CACNA1D: variants seen among roughly 807,000 people sequenced by gnomAD.
CACNA1D encodes the protein voltage-dependent L-type calcium channel subunit alpha-1D.
A neutral mutation model predicts 257.1 loss-of-function variants in CACNA1D; 55 were observed. That is an observed-to-expected ratio of 0.21 (90% CI 0.17 to 0.27). The LOEUF is 0.27. Ranked by LOEUF, CACNA1D falls within the 10% of genes least tolerant of loss-of-function variation. CACNA1D has a pLI of 1.00. For missense variants in CACNA1D, 1,876 were observed against 2,784.0 expected (o/e 0.67, Z 7.34); for synonymous variants, 980 against 1,014.9 (o/e 0.97, Z 0.65).
At chr3:53,591,089 C>T (rs1289602257) in intron 3 of CACNA1D, among the ~76,000 whole-genome samples, 5 of 152,160 alleles carry the variant, frequency 3.3e-5, no homozygotes, top group African/African-American at 1.2e-4. Context: ...TGCCTCTAAG[C>T]GACACTACAC....
At chr3:53,702,951 C>A in intron 9 of CACNA1D, 141 bp downstream of exon 9, 1 of 869,372 alleles carries the variant, frequency 1.2e-6, no homozygotes, top group Non-Finnish European at 1.9e-6. Context: ...TGCCTGCACA[C>A]ATCACGGAGA....
intron 3 of CACNA1D, among the ~76,000 whole-genome samples, chr3:53,535,821 A>G (rs536188568): frequency 1.3e-5 from 2 of 152,306 alleles, no homozygotes; most frequent in African/African-American, 4.8e-5. Flanking sequence ...AATTTGGTCA[A>G]ATTTTTTAGG....
intron 15 of CACNA1D, among the ~76,000 whole-genome samples, 177 bp downstream of exon 15, chr3:53,727,176 T>A (rs1184307321): frequency 1.3e-5 from 2 of 152,220 alleles, no homozygotes; most frequent in Non-Finnish European, 2.9e-5. Context: ...CAGCGTCCTG[T>A]AAGCAGAATT....
In CACNA1D at chr3:53,723,981, A is replaced by G; in HGVS notation, c.2082A>G (p.Ala694=). Reference sequence around the variant, plus strand: ...GCACCTTTGACAATTTCCCTCAAGCACTTCTCACAGTGTTCCAGGTGAGTC... The same window carrying G: ...GCACCTTTGACAATTTCCCTCAAGCGCTTCTCACAGTGTTCCAGGTGAGTC... ...KRSTFDNFPQ[A]LLTVFQILTG... Residue 694 remains alanine, a synonymous_variant, in exon 14 of 48, where the codon GCA becomes GCG. Coordinates refer to ENST00000350061, the MANE Select transcript of CACNA1D (RefSeq NM_001128840.3). The surrounding 1 kb of genome is among the most constrained non-coding windows in gnomAD (Gnocchi z 5.6). The G allele has an allele frequency of 3.1e-6, 5 of 1,614,156 alleles. No homozygotes were observed. Among genetic ancestry groups the G allele is most frequent in the Non-Finnish European group, 4.2e-6 (5 of 1,180,004 alleles).
At chr3:53,600,225 G>A (rs1001049200) in intron 3 of CACNA1D, among the ~76,000 whole-genome samples, 1 of 152,190 alleles carries the variant, frequency 6.6e-6, no homozygotes, top group Admixed American at 6.5e-5. Context: ...CACCCTTTGG[G>A]GGACTCTCAG....
intron 3 of CACNA1D, among the ~76,000 whole-genome samples, chr3:53,622,451 A>G (rs966878315): frequency 2.0e-5 from 3 of 152,244 alleles, no homozygotes; most frequent in Non-Finnish European, 4.4e-5. Context: ...ATTAAAAAGA[A>G]CAAGATCATG....
rs1005170172 is a variant in CACNA1D at position 53,751,323 on chromosome 3, A to C, written c.3517-426A>C. Among the ~76,000 whole-genome samples, 2 of 152,214 alleles carry C rather than the reference A, an allele frequency of 1.3e-5. No homozygotes were observed. Among genetic ancestry groups the C allele is most frequent in the African/African-American group, 4.8e-5 (2 of 41,456 alleles). On this transcript the variant is annotated intron_variant, in intron 27 of 47. Coordinates refer to ENST00000350061, the MANE Select transcript of CACNA1D (RefSeq NM_001128840.3). The surrounding 1 kb of genome is among the most constrained non-coding windows in gnomAD (Gnocchi z 4.3). ...TTGGCCTCCTTTCCTGGAGGACAGC[A>C]CAGGCAGGGGAACTATAGGTGTGAT...
chr3:53,697,432 A>G (rs1432409258), intron 8 of CACNA1D, among the ~76,000 whole-genome samples: 1 of 152,222 alleles, frequency 6.6e-6, no homozygotes, highest in African/African-American at 2.4e-5. Context: ...TGAGAAATGG[A>G]CAGACAACAT....
chr3:53,536,042 T>C (rs2092105462), intron 3 of CACNA1D, among the ~76,000 whole-genome samples: 1 of 152,170 alleles, frequency 6.6e-6, no homozygotes, highest in Admixed American at 6.5e-5. Context: ...TCTTCTGGGC[T>C]TGTTGGTTGG....
At chr3:53,691,746 T>TA (rs1366699643) in intron 8 of CACNA1D, among the ~76,000 whole-genome samples, 8 of 111,006 alleles carry the variant, frequency 7.2e-5, no homozygotes, top group East Asian at 4.6e-4. Context: ...ATATTACATA[T>TA]ATAATATATA....
chr3:53,562,165 G>A (rs953874093), intron 3 of CACNA1D, among the ~76,000 whole-genome samples: 3 of 152,210 alleles, frequency 2.0e-5, no homozygotes, highest in Admixed American at 6.5e-5. Flanking sequence ...AGAGTATTTA[G>A]AAATCTGTGG....
At chr3:53,713,502 A>ATGTGTGTGTGTGTGTG (rs35655186) in intron 9 of CACNA1D, among the ~76,000 whole-genome samples, 2 of 129,374 alleles carry the variant, frequency 1.5e-5, no homozygotes, top group African/African-American at 3.3e-5. Context: ...CTCTGTGTGT[A>ATGTGTGTGTGTGTGTG]TGTGTGTGTG....
At chr3:53,749,072 GCCC>G (rs1559619495) in intron 26 of CACNA1D, 193 bp from the exon 27 acceptor site, 1 of 698,198 alleles carries the variant, frequency 1.4e-6, no homozygotes, top group Admixed American at 2.0e-5. Flanking sequence ...TATCCTGGGT[GCCC>G]CCTCCTCTTA....
rs541909673 is a variant in CACNA1D at position 53,529,416 on chromosome 3, A to G, written c.483+27696A>G. Among the ~76,000 whole-genome samples, 69 of 152,192 alleles carry G rather than the reference A, an allele frequency of 4.5e-4. 1 individual carries two copies. Among genetic ancestry groups the G allele is most frequent in the Non-Finnish European group, 7.5e-4 (51 of 68,016 alleles). Reference sequence around the variant, plus strand: ...GGATTTGATTTTCTAGTATTTTAGCATAGGCTTTTTACATGTATGTTCTTG... The same window carrying G: ...GGATTTGATTTTCTAGTATTTTAGCGTAGGCTTTTTACATGTATGTTCTTG... On this transcript the variant is annotated intron_variant, in intron 3 of 47. Transcript: ENST00000350061.
At chr3:53,510,405 A>G (rs1291106491) in intron 3 of CACNA1D, among the ~76,000 whole-genome samples, 5 of 152,230 alleles carry the variant, frequency 3.3e-5, no homozygotes, top group African/African-American at 9.7e-5. Flanking sequence ...TAACAACTTC[A>G]TAGTTGGTGT....
chr3:53,790,378 G>A (rs754058855), intron 40 of CACNA1D, among the ~76,000 whole-genome samples: 3 of 152,162 alleles, frequency 2.0e-5, no homozygotes, highest in Non-Finnish European at 4.4e-5. Flanking sequence ...CCCCAAAGTG[G>A]GAAAAGTTTT....
At chr3:53,798,328 CGTGTGT>C (rs952988435) in intron 40 of CACNA1D, among the ~76,000 whole-genome samples, 1 of 118,230 alleles carries the variant, frequency 8.5e-6, no homozygotes, top group South Asian at 2.7e-4. Flanking sequence ...TGTGTGTGTG[CGTGTGT>C]GTGCGTGTGT....
rs764589015 is a variant in CACNA1D, at chr3:53,808,678, T to A, written c.5779T>A (p.Cys1927Ser). The change falls in exon 46 of 48, where the codon TGC becomes AGC. Residue 1927 changes from cysteine (C) to serine (S), a missense_variant. Coordinates refer to ENST00000350061, the MANE Select transcript of CACNA1D (RefSeq NM_001128840.3). ...CCGGAGATCCTCCTTCAACTTTGAG[T>A]GCCTGCGCCGGCAGAGCAGCCAGGA... ...SHRRSSFNFE[C>S]LRRQSSQEEV... is the part of the protein sequence containing the mutation. 6.2e-7 allele frequency: 1 copy of A among 1,609,332 alleles called. No homozygotes were observed. Among genetic ancestry groups the A allele is most frequent in the East Asian group, 2.2e-5 (1 of 44,864 alleles).
chr3:53,678,355 T>A (rs2094395906), intron 8 of CACNA1D, among the ~76,000 whole-genome samples: 1 of 152,200 alleles, frequency 6.6e-6, no homozygotes, highest in Non-Finnish European at 1.5e-5. Context: ...AACCCACTCT[T>A]ATGACATAAA....
Sources: allele counts gnomAD v4.1 joint callset (sites outside exome capture counted in the v4.1 genomes callset), GRCh38; gene constraint gnomAD v4.1.1; non-coding constraint Gnocchi (gnomAD v3.1); transcripts MANE v1.5; gene names NCBI Gene and HGNC (gene_info 2026-07-23, HGNC 2026-07-21).